PRDM1: variants seen among roughly 807,000 people sequenced by gnomAD.
The protein encoded by PRDM1 is PR domain zinc finger protein 1.
PRDM1 carries 13 observed loss-of-function variants against 62.8 expected under a neutral mutation model. The observed-to-expected ratio is 0.21, with a 90% CI of 0.13 to 0.33. The LOEUF (loss-of-function observed/expected upper bound fraction) is 0.33, where lower values mean the gene tolerates loss of function less well. PRDM1 is among the 10% of genes least tolerant of loss of function. PRDM1 has a pLI of 1.00. For missense variants in PRDM1, 895 were observed against 1,058.8 expected (o/e 0.85, Z 2.15); for synonymous variants, 396 against 417.6 (o/e 0.95, Z 0.63).
upstream of PRDM1, among the ~76,000 whole-genome samples, chr6:106,047,180 G>T (rs1311287398): frequency 6.6e-6 from 1 of 152,122 alleles, no homozygotes. Flanking sequence ...GAAATAACTA[G>T]GAAAGAAAAA....
intron 1 of PRDM1, among the ~76,000 whole-genome samples, chr6:106,068,571 T>C (rs1445583919): frequency 6.6e-6 from 1 of 152,208 alleles, no homozygotes; most frequent in Non-Finnish European, 1.5e-5. Context: ...TCCTGCACTT[T>C]CCAAAAGCAT....
At chr6:106,098,842 C>T in intron 3 of PRDM1, 1 of 1,526,220 alleles carries the variant, frequency 6.6e-7, no homozygotes, top group Non-Finnish European at 8.8e-7. Flanking sequence ...GTACAGAGGC[C>T]ATAGAAAAAG....
intron 1 of PRDM1, among the ~76,000 whole-genome samples, chr6:105,998,209 G>A (rs1026601532): frequency 2.0e-5 from 3 of 152,052 alleles, no homozygotes; most frequent in Non-Finnish European, 2.9e-5. Context: ...GGTCCATCGA[G>A]CTGAAAGCTT....
intron 1 of PRDM1, among the ~76,000 whole-genome samples, chr6:106,070,132 T>C (rs1222359352): frequency 1.3e-5 from 2 of 152,194 alleles, no homozygotes; most frequent in Non-Finnish European, 2.9e-5. Context: ...TATGGACTAG[T>C]GGGTTTGTGT....
intron 1 of PRDM1, among the ~76,000 whole-genome samples, chr6:106,075,945 A>T (rs1005540466): frequency 3.2e-4 from 47 of 145,998 alleles, no homozygotes; most frequent in Admixed American, 1.5e-3. Context: ...AGGGAAAATT[A>T]AAAAAAAAAA....
chr6:106,045,212 G>A (rs1008406735), upstream of PRDM1, among the ~76,000 whole-genome samples: 2 of 152,168 alleles, frequency 1.3e-5, no homozygotes, highest in Admixed American at 1.3e-4. Context: ...GTTCAGGTGA[G>A]TGGGAATAAC....
At chr6:106,012,988 G>A (rs1457556857) in intron 1 of PRDM1, among the ~76,000 whole-genome samples, 1 of 152,006 alleles carries the variant, frequency 6.6e-6, no homozygotes, top group African/African-American at 2.4e-5. Context: ...CTCAGCTGAA[G>A]CAATTCTCGT....
At chr6:106,019,677 G>A (rs1050101351) in intron 1 of PRDM1, among the ~76,000 whole-genome samples, 1 of 130,006 alleles carries the variant, frequency 7.7e-6, no homozygotes, top group African/African-American at 3.0e-5. Context: ...TCCTCGATCT[G>A]TCACCCAGGC....
chr6:106,068,278 G>C (rs867326139), intron 1 of PRDM1, among the ~76,000 whole-genome samples: 33 of 152,082 alleles, frequency 2.2e-4, no homozygotes, highest in African/African-American at 8.0e-4. Flanking sequence ...TTTTAGTAGA[G>C]ACAGGGTTTC....
Position 106,099,349 on chromosome 6 carries a change from A to T in PRDM1, c.461A>T (p.Glu154Val). 6.2e-7 allele frequency: 1 copy of T among 1,614,162 alleles called. No homozygotes were observed. Among genetic ancestry groups the T allele is most frequent in the Non-Finnish European group, 8.5e-7 (1 of 1,180,010 alleles). Residue 154 changes from glutamate (E) to valine (V), a missense_variant, in exon 4 of 7, where the codon GAG becomes GTG. Glu to Val is a moderately radical substitution (Grantham distance 121). Transcript: ENST00000369096. ...LHHFIDGFNE[E>V]KSNWMRYVNP... is the part of the protein sequence containing the mutation. ...CACTTCATTGACGGCTTTAATGAAG[A>T]GAAAAGCAACTGGATGCGCTATGTG...
chr6:106,006,012 C>T (rs1391903442), intron 1 of PRDM1, among the ~76,000 whole-genome samples: 2 of 152,202 alleles, frequency 1.3e-5, no homozygotes, highest in Non-Finnish European at 2.9e-5. Context: ...AGATGAGGCA[C>T]TTCTAGCCTT....
At chr6:106,029,092 T>A (rs1772804638) in intron 1 of PRDM1, among the ~76,000 whole-genome samples, 1 of 152,094 alleles carries the variant, frequency 6.6e-6, no homozygotes, top group African/African-American at 2.4e-5. Flanking sequence ...AGCTAATTTT[T>A]GTATATTTAG....
intron 1 of PRDM1, among the ~76,000 whole-genome samples, chr6:106,005,368 C>T (rs1483216959): frequency 6.6e-6 from 1 of 152,236 alleles, no homozygotes; most frequent in Non-Finnish European, 1.5e-5. Flanking sequence ...TGCTTGGCCA[C>T]AGGCCTTGGC....
At chr6:106,069,232 A>T (rs528268403) in intron 1 of PRDM1, among the ~76,000 whole-genome samples, 18 of 152,346 alleles carry the variant, frequency 1.2e-4, no homozygotes, top group African/African-American at 4.3e-4. Flanking sequence ...TTGTAACTTG[A>T]TTATATATGA....
upstream of PRDM1, among the ~76,000 whole-genome samples, chr6:106,082,908 C>T (rs1401087065): frequency 1.3e-5 from 2 of 152,146 alleles, no homozygotes; most frequent in African/African-American, 4.8e-5. Context: ...CAATGACACA[C>T]ACAGGCTGCA....
chr6:106,000,997 A>G (rs1209726908), intron 1 of PRDM1, among the ~76,000 whole-genome samples: 3 of 152,200 alleles, frequency 2.0e-5, no homozygotes, highest in Admixed American at 6.5e-5. Flanking sequence ...CACCGATACT[A>G]TTATAGCTTC....
At chr6:106,059,134 G>A (rs1422405778) in intron 1 of PRDM1, among the ~76,000 whole-genome samples, 1 of 152,034 alleles carries the variant, frequency 6.6e-6, no homozygotes, top group South Asian at 2.1e-4. Flanking sequence ...CCCAATAGGG[G>A]TTACATTCTA....
intron 1 of PRDM1, among the ~76,000 whole-genome samples, chr6:106,004,193 G>A (rs1272642189): frequency 6.6e-6 from 1 of 151,990 alleles, no homozygotes; most frequent in East Asian, 1.9e-4. Context: ...TTGTAACAAA[G>A]TTTTTGATAG....
intron 1 of PRDM1, among the ~76,000 whole-genome samples, chr6:106,066,794 G>C (rs761289139): frequency 2.0e-5 from 3 of 152,122 alleles, no homozygotes; most frequent in Non-Finnish European, 4.4e-5. Flanking sequence ...ATGCTTTACA[G>C]TAAGTAATGT....
Sources: gnomAD v4.1 joint callset for allele counts (sites outside exome capture counted in the v4.1 genomes callset) on GRCh38, gnomAD v4.1.1 for gene constraint, MANE v1.5 for transcripts, NCBI Gene and HGNC (gene_info 2026-07-23, HGNC 2026-07-21) for gene names.